Variants in WRN observed in about 807,000 individuals in gnomAD.
The protein encoded by WRN is WRN RecQ like helicase.
Under a neutral mutation model 180.7 loss-of-function variants are expected in WRN, and 149 were observed. The ratio of observed to expected loss-of-function variants is 0.82; its 90% CI spans 0.72 to 0.94. The LOEUF (loss-of-function observed/expected upper bound fraction) is 0.94, where lower values mean the gene tolerates loss of function less well. WRN is among the 40% of genes least tolerant of loss of function. The probability of loss-of-function intolerance (pLI) is 0.00; values close to 1 mark genes in which losing one functional copy is unlikely to be tolerated. For synonymous variants in WRN, 548 were observed against 568.9 expected (o/e 0.96, Z 0.52); for missense variants, 1,661 against 1,700.1 (o/e 0.98, Z 0.40).
intron 34 of WRN, among the ~76,000 whole-genome samples, chr8:31,167,966 G>A (rs1383886995): frequency 6.6e-6 from 1 of 151,982 alleles, no homozygotes; most frequent in African/African-American, 2.4e-5. Flanking sequence ...TTCTTAGTTG[G>A]TAAATTCAAT....
chr8:31,161,749 G>A (rs1340590019), intron 33 of WRN, among the ~76,000 whole-genome samples: 2 of 142,776 alleles, frequency 1.4e-5, no homozygotes, highest in African/African-American at 2.6e-5. Context: ...TGAGGCAGGA[G>A]AATTGCTTGA....
At chr8:31,157,336 A>G (rs981135311) in intron 32 of WRN, 32 bp from the exon 33 acceptor site, 19 of 1,612,400 alleles carry the variant, frequency 1.2e-5, no homozygotes, top group Middle Eastern at 1.7e-4. Context: ...CACTTTTACA[A>G]CTCACTGGGT....
chr8:31,118,079 A>G (rs556277258), intron 20 of WRN, among the ~76,000 whole-genome samples: 3 of 152,160 alleles, frequency 2.0e-5, no homozygotes, highest in East Asian at 3.9e-4. Context: ...AGAACATGAA[A>G]GAATACAAAC....
At chr8:31,139,658 A>T (rs994883118) in intron 24 of WRN, among the ~76,000 whole-genome samples, 5 of 152,208 alleles carry the variant, frequency 3.3e-5, no homozygotes. Flanking sequence ...CACAAAATGG[A>T]TGCCTGTTGA....
At chr8:31,037,365 G>A (rs568467337) in intron 1 of WRN, among the ~76,000 whole-genome samples, 3 of 152,324 alleles carry the variant, frequency 2.0e-5, no homozygotes, top group Admixed American at 1.3e-4. Flanking sequence ...ATGAAGCTTC[G>A]CTTGCTTGCC....
rs1804235940 is a variant in WRN, at chr8:31,174,963, T to C, written c.*1861T>C. Among the ~76,000 whole-genome samples the C allele has an allele frequency of 6.6e-6, 1 of 151,256 alleles. No individual in the cohort carries two copies. The highest frequency in any genetic ancestry group is 1.5e-5 in the Non-Finnish European group (1 of 67,884). On this transcript the variant is annotated 3_prime_UTR_variant, in exon 35 of 35. Transcript: ENST00000298139. Reference sequence around the variant, plus strand: ...GTCCTCCCGCCTCAGTCCCCCAAAATAGTGGGATTACAGGTGTGAGCCACC... The same window carrying C: ...GTCCTCCCGCCTCAGTCCCCCAAAACAGTGGGATTACAGGTGTGAGCCACC...
chr8:31,109,309 G>C (rs997438709), intron 18 of WRN, among the ~76,000 whole-genome samples: 4 of 152,148 alleles, frequency 2.6e-5, no homozygotes, highest in Non-Finnish European at 5.9e-5. Context: ...TTTTAATATA[G>C]TCTGATACTT....
At chr8:31,151,016 A>T (rs1360105241) in intron 31 of WRN, among the ~76,000 whole-genome samples, 1 of 151,032 alleles carries the variant, frequency 6.6e-6, no homozygotes, top group African/African-American at 2.5e-5. Flanking sequence ...TCCACGTAGC[A>T]GACTCTATAA....
Position 31,117,517 on chromosome 8 carries a change from T to A in WRN, c.2448+989T>A, listed in dbSNP as rs11574310. ...TCAGTGGGTGTCATAGAGGATTTAT[T>A]TGGGAGGATTTAAGTTCAAGGCACA... On this transcript the variant is annotated intron_variant, in intron 20 of 34. Transcript: ENST00000298139. Among the ~76,000 whole-genome samples, 11 of 152,230 alleles carry A rather than the reference T, an allele frequency of 7.2e-5. No individual in the cohort carries two copies. The South Asian group carries it at 2.3e-3, about 32-fold the overall frequency.
Position 31,081,110 on chromosome 8 carries a change from T to C in WRN, c.1083T>C (p.Asp361=), listed in dbSNP as rs1198573341. ...ATTTAGCTAAACATGATGGAGAAGA[T>C]GTACTTGGAAATAAAGTGGAACGAA... ...LDHLAKHDGE[D]VLGNKVERKE... Residue 361 remains aspartate (D), a synonymous_variant, in exon 9 of 35, where the codon GAT becomes GAC. Coordinates refer to ENST00000298139, the MANE Select transcript of WRN (RefSeq NM_000553.6). 6.2e-7 allele frequency: 1 copy of C among 1,614,004 alleles called. No individual in the cohort carries two copies. The highest frequency in any genetic ancestry group is 1.7e-5 in the Admixed American group (1 of 60,018).
chr8:31,076,037 TAAG>T (rs1330786531), intron 7 of WRN, 133 bp from the exon 8 acceptor site: 2 of 730,644 alleles, frequency 2.7e-6, no homozygotes, highest in East Asian at 2.7e-5. Flanking sequence ...GGGGATTGAA[TAAG>T]AAGGTCTTTT....
intron 8 of WRN, among the ~76,000 whole-genome samples, chr8:31,078,744 G>T (rs1481221226): frequency 1.3e-5 from 2 of 152,144 alleles, no homozygotes; most frequent in Non-Finnish European, 1.5e-5. Flanking sequence ...ATTCTGCTGG[G>T]TGCTAAGGCT....
chr8:31,167,159 T>A lies in WRN; in HGVS notation c.4120T>A (p.Cys1374Ser). ...QPSCDVNKRR[C>S]FPGSEEICSS... ...TTCATGTGATGTCAACAAAAGGAGA[T>A]GTTTTCCCGGTTCTGAAGAGATCTG... The change falls in exon 34 of 35, where the codon TGT becomes AGT. Residue 1374 changes from cysteine (C) to serine (S), a missense_variant. Cys to Ser is a moderately radical substitution (Grantham distance 112, BLOSUM62 -1). Around this residue, in one of 3 missense-constraint regions of WRN, gnomAD observed 1,141 missense variants for 1,149.4 expected, o/e 0.99. Transcript: ENST00000298139. The A allele has an allele frequency of 6.2e-7, 1 of 1,613,314 alleles. No homozygotes were observed. The highest frequency in any genetic ancestry group is 8.5e-7 in the Non-Finnish European group (1 of 1,179,468).
At chr8:31,089,730 TA>T (rs753054132) in intron 13 of WRN, among the ~76,000 whole-genome samples, 13 of 151,964 alleles carry the variant, frequency 8.6e-5, no homozygotes, top group South Asian at 4.1e-4. Context: ...CATGATATTT[TA>T]TTAAGAAAAT....
At chr8:31,161,404 G>C (rs1358032870) in intron 33 of WRN, among the ~76,000 whole-genome samples, 1 of 152,162 alleles carries the variant, frequency 6.6e-6, no homozygotes, top group Non-Finnish European at 1.5e-5. Flanking sequence ...ACACACCTAG[G>C]CTGTACGGTA....
chr8:31,064,465 G>A (rs2130033521), intron 4 of WRN, 31 bp downstream of exon 4: 1 of 1,613,522 alleles, frequency 6.2e-7, no homozygotes, highest in South Asian at 1.1e-5. Flanking sequence ...TTTTTATATG[G>A]CTGATAATTG....
intron 1 of WRN, among the ~76,000 whole-genome samples, chr8:31,047,763 A>G (rs1811925962): frequency 6.6e-6 from 1 of 152,318 alleles, no homozygotes; most frequent in Middle Eastern, 3.4e-3. Context: ...TTTCCCTGCA[A>G]TTTCCCGGTT....
intron 23 of WRN, 133 bp downstream of exon 23, chr8:31,125,133 G>A (rs1321935057): frequency 2.4e-6 from 2 of 838,898 alleles, no homozygotes; most frequent in Admixed American, 2.4e-5. Flanking sequence ...TTAGATATGA[G>A]AAAGCAAACA....
chr8:31,078,492 T>C (rs1031447101), intron 8 of WRN, among the ~76,000 whole-genome samples: 1 of 152,214 alleles, frequency 6.6e-6, no homozygotes, highest in Non-Finnish European at 1.5e-5. Context: ...GTGAAAATGG[T>C]GTAAATAAGT....
Sources: allele counts gnomAD v4.1 joint callset (sites outside exome capture counted in the v4.1 genomes callset), GRCh38; gene constraint gnomAD v4.1.1; regional missense constraint gnomAD v4.1.1; transcripts MANE v1.5; gene names NCBI Gene and HGNC (gene_info 2026-07-23, HGNC 2026-07-21).